The following UBE4B variants were observed in gnomAD, a reference collection of about 807,000 sequenced individuals.
The protein encoded by UBE4B is ubiquitination factor E4B.
Under a neutral mutation model 148.1 loss-of-function variants are expected in UBE4B, and 27 were observed. That is an observed-to-expected ratio of 0.18 (90% CI 0.13 to 0.25). The LOEUF is 0.25. Among genes scored for constraint, UBE4B ranks in the 10% least tolerant of loss-of-function variants. The probability of loss-of-function intolerance (pLI) is 1.00; values close to 1 mark genes in which losing one functional copy is unlikely to be tolerated. For synonymous variants in UBE4B, 596 were observed against 619.3 expected, an observed-to-expected ratio of 0.96 and a Z score of 0.56; for missense variants, 1,170 against 1,662.4, an observed-to-expected ratio of 0.70 and a Z score of 5.15.
chr1:10,135,769 A>G (rs914645409), intron 16 of UBE4B, among the ~76,000 whole-genome samples: 3 of 151,760 alleles, frequency 2.0e-5, no homozygotes, highest in Admixed American at 1.3e-4. Context: ...AAATTGAAAA[A>G]AAAAATCAAG....
rs1421200763 is a variant in UBE4B at position 10,169,578 on chromosome 1, G to T, written c.3333+1308G>T. ...GAGCATGAAACAAAACAGCTCACTGGCCAGACACTGGCCTCCCTTCAAGGT... is the reference window on the plus strand; with the variant it reads ...GAGCATGAAACAAAACAGCTCACTGTCCAGACACTGGCCTCCCTTCAAGGT... On this transcript the variant is annotated intron_variant, in intron 24 of 27. Coordinates refer to ENST00000343090, the MANE Select transcript of UBE4B (RefSeq NM_001105562.3). 2.0e-5 allele frequency among the ~76,000 whole-genome samples: 3 copies of T among 152,288 alleles called. No homozygotes were observed. In the East Asian group the frequency reaches 5.8e-4, roughly 29 times the overall value.
chr1:10,114,414 A>G (rs930576601), intron 7 of UBE4B, among the ~76,000 whole-genome samples: 1 of 152,012 alleles, frequency 6.6e-6, no homozygotes, highest in Non-Finnish European at 1.5e-5. Flanking sequence ...GGTTCCCTGC[A>G]CTTCTCTCAT....
chr1:10,141,851 A>G (rs77797389), intron 17 of UBE4B, among the ~76,000 whole-genome samples: 2,624 of 152,236 alleles, frequency 0.017, 35 homozygotes, highest in Non-Finnish European at 0.027. Flanking sequence ...AGTTCTCCCA[A>G]ACTCCTCCAT....
At chr1:10,060,197 C>T (rs1229027943) in intron 1 of UBE4B, among the ~76,000 whole-genome samples, 1 of 152,094 alleles carries the variant, frequency 6.6e-6, no homozygotes, top group Non-Finnish European at 1.5e-5. Context: ...TTCTGAGAAA[C>T]GCATCATTAT....
At chr1:10,086,704 C>CT (rs568502686) in intron 2 of UBE4B, among the ~76,000 whole-genome samples, 123 of 148,864 alleles carry the variant, frequency 8.3e-4, no homozygotes, top group South Asian at 7.2e-3. Context: ...TCTCTTTTCT[C>CT]TTTTTTTTTT....
chr1:10,148,984 A>T (rs75691022), intron 19 of UBE4B, among the ~76,000 whole-genome samples, 200 bp from the exon 20 acceptor site: 1 of 152,138 alleles, frequency 6.6e-6, no homozygotes. Context: ...CATTTCACAC[A>T]TACCCTTGCA....
chr1:10,053,846 G>T (rs1644104425), intron 1 of UBE4B, among the ~76,000 whole-genome samples: 1 of 152,034 alleles, frequency 6.6e-6, no homozygotes, highest in Non-Finnish European at 1.5e-5. Context: ...TTGCCACCAT[G>T]CCTGGCTAAT....
At position 10,033,616 on chromosome 1, in the gene UBE4B, G is replaced by T; in HGVS notation, c.-55G>T. ...TTCCACTCTCCTTCCTCCCGCCGTG[G>T]TCTCGAGAACAGAAGGATCTCTCCT... On this transcript the variant is annotated 5_prime_UTR_variant, in exon 1 of 28. Coordinates refer to ENST00000343090, the MANE Select transcript of UBE4B (RefSeq NM_001105562.3). 1 of 1,468,144 alleles carries T rather than the reference G, an allele frequency of 6.8e-7. No individual in the cohort carries two copies. The highest frequency in any genetic ancestry group is 1.4e-5 in the South Asian group (1 of 70,664). The allele number at this position is 1,468,144 out of a possible 1,614,324, so 90.9% of individuals were successfully genotyped here.
chr1:10,078,590 C>A (rs1436845721), intron 2 of UBE4B, among the ~76,000 whole-genome samples: 5 of 152,078 alleles, frequency 3.3e-5, no homozygotes, highest in Non-Finnish European at 7.4e-5. Flanking sequence ...TATTTTACAG[C>A]CTTGTTTTGG....
rs761906824 is a variant in UBE4B, at chr1:10,130,505, T to C, written c.1701T>C (p.Ala567=). The C allele has an allele frequency of 1.2e-6, 2 of 1,614,054 alleles. No homozygotes were observed. Among genetic ancestry groups the C allele is most frequent in the Admixed American group, 3.3e-5 (2 of 60,016 alleles). Residue 567 remains alanine (A), a synonymous_variant, in exon 13 of 28, where the codon GCT becomes GCC. Transcript: ENST00000343090. ...CTCTTCCATCTTCTGCCTAGGTTGCTTCTTTGCGGTTGTGGTTGCCGAAAT... is the reference window on the plus strand; with the variant it reads ...CTCTTCCATCTTCTGCCTAGGTTGCCTCTTTGCGGTTGTGGTTGCCGAAAT... ...GKTHPVCNLV[A]SLRLWLPKSL...
chr1:10,043,277 G>T (rs975549757), intron 1 of UBE4B, among the ~76,000 whole-genome samples: 58 of 151,764 alleles, frequency 3.8e-4, no homozygotes, highest in Admixed American at 7.9e-4. Context: ...CCAAAGTGCC[G>T]GGATTACAGG....
chr1:10,076,463 C>T lies in UBE4B; in HGVS notation c.211+4249C>T, dbSNP rs776019872. Among the ~76,000 whole-genome samples the T allele has an allele frequency of 3.3e-5, 5 of 152,022 alleles. No individual in the cohort carries two copies. In the East Asian group the frequency reaches 5.8e-4, roughly 18 times the overall value. ...TTCGCCATGTTGGCCAGGCTGGTCT[C>T]GAACTCCTGACCTCAGGTGATCCAC... On this transcript the variant is annotated intron_variant, in intron 2 of 27. Transcript: ENST00000343090.
Position 10,161,259 on chromosome 1 carries a change from C to A in UBE4B, c.3171C>A (p.Asn1057Lys). ...ATGAAGTGCAGGAAGAGATGAAGAA[C>A]AAAGAACAGTGGGACCAGTTGCCCC... ...RIHEVQEEMKNKEQWDQLPRD... is the reference protein window; with the variant it reads ...RIHEVQEEMKKKEQWDQLPRD... Residue 1057 changes from asparagine (N) to lysine (K), a missense_variant, in exon 23 of 28, where the codon AAC becomes AAA. Asn to Lys is a moderately conservative substitution (Grantham distance 94, BLOSUM62 0). Transcript: ENST00000343090. The surrounding 1 kb of genome is among the most constrained non-coding windows in gnomAD (Gnocchi z 4.1). 2 of 1,614,076 alleles carry A rather than the reference C, an allele frequency of 1.2e-6. No homozygotes were observed. The highest frequency in any genetic ancestry group is 1.7e-6 in the Non-Finnish European group (2 of 1,179,994).
intron 21 of UBE4B, among the ~76,000 whole-genome samples, chr1:10,157,634 A>T (rs548805227): frequency 6.6e-6 from 1 of 152,056 alleles, no homozygotes; most frequent in Non-Finnish European, 1.5e-5. Flanking sequence ...AAAAATTAGC[A>T]GGGCGTGGTG....
At chr1:10,174,911 C>T (rs954694551) in intron 25 of UBE4B, among the ~76,000 whole-genome samples, 1 of 152,000 alleles carries the variant, frequency 6.6e-6, no homozygotes, top group Non-Finnish European at 1.5e-5. Flanking sequence ...TGTAAAATTG[C>T]ATTTTCTTCT....
chr1:10,144,503 G>C (rs375952026), intron 17 of UBE4B, among the ~76,000 whole-genome samples: 1 of 152,038 alleles, frequency 6.6e-6, no homozygotes, highest in East Asian at 1.9e-4. Context: ...TGGGAGGCTG[G>C]GGCAGGCAGA....
chr1:10,055,529 G>A (rs1644149878), intron 1 of UBE4B, among the ~76,000 whole-genome samples: 1 of 152,088 alleles, frequency 6.6e-6, no homozygotes, highest in Admixed American at 6.6e-5. Context: ...TGTTGCCCAA[G>A]CTGGTTTCCA....
At chr1:10,083,600 G>C (rs1644718071) in intron 2 of UBE4B, among the ~76,000 whole-genome samples, 1 of 152,024 alleles carries the variant, frequency 6.6e-6, no homozygotes, top group Non-Finnish European at 1.5e-5. Context: ...TCCAGAGCTT[G>C]GGAGAAAGAA....
chr1:10,153,897 A>G (rs1397687411), intron 21 of UBE4B, among the ~76,000 whole-genome samples: 1 of 152,218 alleles, frequency 6.6e-6, no homozygotes, highest in Non-Finnish European at 1.5e-5. Context: ...AGCCTGACCA[A>G]CATGGTGAAA....
Sources: allele counts gnomAD v4.1 joint callset (sites outside exome capture counted in the v4.1 genomes callset), GRCh38; gene constraint gnomAD v4.1.1; non-coding constraint Gnocchi (gnomAD v3.1); transcripts MANE v1.5; gene names NCBI Gene and HGNC (gene_info 2026-07-23, HGNC 2026-07-21).